RIT2: variants seen among roughly 807,000 people sequenced by gnomAD.
The protein encoded by RIT2 is GTP-binding protein Rit2.
A neutral mutation model predicts 23.7 loss-of-function variants in RIT2; 24 were observed. The observed-to-expected ratio is 1.01, with a 90% CI of 0.73 to 1.43. RIT2 has a LOEUF of 1.43. RIT2 is among the 40% of genes most tolerant of loss of function. RIT2 has a pLI of 0.00. For missense variants in RIT2, 236 were observed against 266.9 expected (o/e 0.88, Z 0.81); for synonymous variants, 107 against 91.1 (o/e 1.17, Z -0.99).
chr18:42,970,792 A>C (rs1910344480), intron 3 of RIT2, among the ~76,000 whole-genome samples: 1 of 152,096 alleles, frequency 6.6e-6, no homozygotes, highest in South Asian at 2.1e-4. Flanking sequence ...ACCTGAGCAT[A>C]AAAATACACA....
chr18:42,927,954 G>A (rs1194307764), intron 3 of RIT2, among the ~76,000 whole-genome samples: 1 of 151,920 alleles, frequency 6.6e-6, no homozygotes, highest in African/African-American at 2.4e-5. Context: ...AACTAGACCA[G>A]CTCCCCGTTG....
chr18:42,946,578 T>C (rs1047905534), intron 3 of RIT2, among the ~76,000 whole-genome samples: 2 of 152,028 alleles, frequency 1.3e-5, no homozygotes, highest in Non-Finnish European at 2.9e-5. Flanking sequence ...TATTTGCTAA[T>C]GGGAACAAAA....
intron 3 of RIT2, among the ~76,000 whole-genome samples, chr18:42,924,871 C>A (rs1000586266): frequency 2.6e-5 from 4 of 152,016 alleles, no homozygotes; most frequent in Non-Finnish European, 4.4e-5. Context: ...GATCCAGGAA[C>A]TTTGGAAAAC....
At chr18:43,102,742 C>T (rs1913717481) in intron 1 of RIT2, among the ~76,000 whole-genome samples, 1 of 151,980 alleles carries the variant, frequency 6.6e-6, no homozygotes, top group Non-Finnish European at 1.5e-5. Flanking sequence ...CAACCTTCGC[C>T]TCCCGGGTTC....
At chr18:43,033,583 C>T (rs66700940) in intron 2 of RIT2, among the ~76,000 whole-genome samples, 24,185 of 151,916 alleles carry the variant, frequency 0.16, 2,192 homozygotes, top group East Asian at 0.42. Flanking sequence ...CCACCATTTA[C>T]CAGAAAGAAA....
chr18:42,944,073 G>A (rs113725967), intron 3 of RIT2, among the ~76,000 whole-genome samples: 2 of 152,164 alleles, frequency 1.3e-5, no homozygotes, highest in Admixed American at 6.5e-5. Context: ...TGTAAGCCAC[G>A]TCACGTCCCT....
chr18:42,920,469 T>C (rs924972902), intron 4 of RIT2, among the ~76,000 whole-genome samples: 1 of 152,204 alleles, frequency 6.6e-6, no homozygotes, highest in African/African-American at 2.4e-5. Context: ...CACAGAGCCT[T>C]GAAAACACTA....
intron 4 of RIT2, among the ~76,000 whole-genome samples, chr18:42,811,171 A>G (rs1377648305): frequency 6.6e-6 from 1 of 152,074 alleles, no homozygotes; most frequent in Admixed American, 6.6e-5. Context: ...GCTGCAGACC[A>G]AATAAAAGAT....
intron 4 of RIT2, among the ~76,000 whole-genome samples, chr18:42,891,946 C>T (rs1235795739): frequency 2.6e-5 from 4 of 151,964 alleles, no homozygotes; most frequent in Non-Finnish European, 5.9e-5. Flanking sequence ...ATGGACTATT[C>T]TAGTGAGGGC....
chr18:42,782,459 C>T (rs1205309464), intron 4 of RIT2, among the ~76,000 whole-genome samples: 6 of 151,746 alleles, frequency 4.0e-5, no homozygotes, highest in Non-Finnish European at 5.9e-5. Context: ...CATTTATACA[C>T]GTATTTGCCT....
chr18:42,984,189 C>G (rs1458120906), intron 2 of RIT2, among the ~76,000 whole-genome samples: 2 of 152,036 alleles, frequency 1.3e-5, no homozygotes, highest in East Asian at 3.8e-4. Context: ...GTTACACAAA[C>G]TGTGATACAA....
Position 42,968,021 on chromosome 18 carries a change from G to A in RIT2, c.234+6053C>T, listed in dbSNP as rs1029988355. On this transcript the variant is annotated intron_variant, in intron 3 of 4. Coordinates refer to ENST00000326695, the MANE Select transcript of RIT2 (RefSeq NM_002930.4). The stretch of plus-strand genomic sequence containing the variant: ...CACTAATATCAAATAGACTCAGAAC[G>A]AGAACATGATAGTCTCCCATGTCGT... Among the ~76,000 whole-genome samples, 7 of 152,154 alleles carry A rather than the reference G, an allele frequency of 4.6e-5. No individual in the cohort carries two copies. The South Asian group carries it at 6.2e-4, about 14-fold the overall frequency.
chr18:42,896,188 T>C (rs1908324912), intron 4 of RIT2, among the ~76,000 whole-genome samples: 1 of 152,180 alleles, frequency 6.6e-6, no homozygotes, highest in Non-Finnish European at 1.5e-5. Flanking sequence ...CATTTGTACC[T>C]GGGAGGTGGA....
At chr18:42,850,771 A>C in intron 4 of RIT2, among the ~76,000 whole-genome samples, 1 of 152,148 alleles carries the variant, frequency 6.6e-6, no homozygotes, top group East Asian at 1.9e-4. Flanking sequence ...GCCCAGATCT[A>C]TCCTTTAGTG....
chr18:42,839,021 C>T (rs539734533), intron 4 of RIT2, among the ~76,000 whole-genome samples: 2 of 152,082 alleles, frequency 1.3e-5, no homozygotes, highest in Non-Finnish European at 2.9e-5. Flanking sequence ...AACACCCAGC[C>T]CATAATGACA....
At chr18:43,039,336 T>C (rs1047184006) in intron 1 of RIT2, among the ~76,000 whole-genome samples, 12 of 134,212 alleles carry the variant, frequency 8.9e-5, no homozygotes, top group Non-Finnish European at 1.3e-4. Context: ...CTGTTGACAT[T>C]TTTTTTTCTT....
chr18:42,881,799 C>T lies in RIT2; in HGVS notation c.426+41773G>A, dbSNP rs112683098. On this transcript the variant is annotated intron_variant, in intron 4 of 4. Transcript: ENST00000326695. ...TTATGCTCATTATGGCCTATTAGAT[C>T]AAGAGTTTTCCAAGGTCCAGAATTA... is the stretch of plus-strand genomic sequence containing the variant. 3.3e-3 allele frequency among the ~76,000 whole-genome samples: 499 copies of T among 152,244 alleles called. 1 individual carries two copies. Among genetic ancestry groups the T allele is most frequent in the African/African-American group, 0.011 (468 of 41,542 alleles).
At chr18:42,927,576 A>G (rs1263793821) in intron 3 of RIT2, among the ~76,000 whole-genome samples, 2 of 151,946 alleles carry the variant, frequency 1.3e-5, no homozygotes, top group African/African-American at 4.8e-5. Flanking sequence ...AAAGATCCCT[A>G]TACTTTCTGT....
At chr18:42,905,458 A>C (rs752032729) in intron 4 of RIT2, among the ~76,000 whole-genome samples, 12 of 152,130 alleles carry the variant, frequency 7.9e-5, no homozygotes, top group Non-Finnish European at 1.6e-4. Context: ...TTTTAAGAAG[A>C]GAAAAACATG....
Sources: gnomAD v4.1 joint callset for allele counts (sites outside exome capture counted in the v4.1 genomes callset) on GRCh38, gnomAD v4.1.1 for gene constraint, MANE v1.5 for transcripts, NCBI Gene and HGNC (gene_info 2026-07-23, HGNC 2026-07-21) for gene names.